Variants in PPT1 observed in about 807,000 individuals in gnomAD.
The protein encoded by PPT1 is palmitoyl-protein thioesterase 1.
PPT1 carries 24 observed loss-of-function variants against 44.0 expected under a neutral mutation model. That is an observed-to-expected ratio of 0.54 (90% CI 0.39 to 0.77). The LOEUF (loss-of-function observed/expected upper bound fraction) is 0.77, where lower values mean the gene tolerates loss of function less well. Among genes scored for constraint, PPT1 ranks in the 30% least tolerant of loss-of-function variants. The pLI is 0.00. For missense variants in PPT1, 341 were observed against 378.8 expected (o/e 0.90, Z 0.83); for synonymous variants, 148 against 140.2 (o/e 1.06, Z -0.39).
chr1:40,093,834 A>C (rs1445469538), intron 1 of PPT1: 1 of 509,854 alleles, frequency 2.0e-6, no homozygotes, highest in Non-Finnish European at 3.6e-6. Flanking sequence ...CAGTGAGCCA[A>C]GATCATGCCA....
downstream of PPT1, chr1:40,072,589 A>AAT (rs1207271655): frequency 6.5e-6 from 1 of 153,240 alleles, no homozygotes; most frequent in Non-Finnish European, 1.5e-5. Context: ...GGCCTGTGGA[A>AAT]ATAAACCTTT....
chr1:40,094,109 C>A, intron 1 of PPT1: 1 of 600,150 alleles, frequency 1.7e-6, no homozygotes, highest in Non-Finnish European at 3.1e-6. Flanking sequence ...ATTCCCTTCC[C>A]CTATCACAGG....
chr1:40,076,869 G>C lies in PPT1; in HGVS notation c.771C>G (p.Pro257=), dbSNP rs1321890707. The C allele has an allele frequency of 1.2e-6, 2 of 1,614,094 alleles. No homozygotes were observed. Among genetic ancestry groups the C allele is most frequent in the Non-Finnish European group, 1.7e-6 (2 of 1,180,026 alleles). Residue 257 remains proline (P), a synonymous_variant, in exon 8 of 9, where the codon CCC becomes CCG. Coordinates refer to ENST00000642050, the MANE Select transcript of PPT1 (RefSeq NM_000310.4). ...GTGTGTACAGGGAGGTCTCCTGTAA[G>C]GGAATGGTTTCCTTGGCTTGGCCAC... ...YRSGQAKETI[P]LQETSLYTQD...
At chr1:40,097,020 A>T (rs1649892986) in intron 1 of PPT1, 95 bp downstream of exon 1, 2 of 1,607,102 alleles carry the variant, frequency 1.2e-6, no homozygotes, top group East Asian at 4.5e-5. Flanking sequence ...CTGTGGGACC[A>T]CGTCCTCGCC....
At chr1:40,094,139 A>G in intron 1 of PPT1, 1 of 560,930 alleles carries the variant, frequency 1.8e-6, no homozygotes. Flanking sequence ...GGGTGAACAG[A>G]TGCAAAGTTT....
downstream of PPT1, chr1:40,072,249 A>C: frequency 3.5e-6 from 1 of 287,004 alleles, no homozygotes; most frequent in Non-Finnish European, 5.7e-6. Flanking sequence ...ATGACTTTAA[A>C]AGGAAAAAAA....
rs573913513 is a variant in PPT1, at chr1:40,096,938, G to C, written c.124+177C>G. On this transcript the variant is annotated intron_variant, in intron 1 of 8. Coordinates refer to ENST00000642050, the MANE Select transcript of PPT1 (RefSeq NM_000310.4). Reference sequence around the variant, plus strand: ...TTCCCCTTCTCTCTTTCCAGTGAAGGGGACGGCTCCTTCCCCTTCTCTCTT... The same window carrying C: ...TTCCCCTTCTCTCTTTCCAGTGAAGCGGACGGCTCCTTCCCCTTCTCTCTT... The C allele has an allele frequency of 8.9e-6, 10 of 1,127,530 alleles. No individual in the cohort carries two copies. The African/African-American group carries it at 1.4e-4, about 16-fold the overall frequency. 69.8% of individuals were successfully genotyped at this position (1,127,530 alleles called of 1,614,324 possible). A position where few individuals can be genotyped will look rare whatever the true frequency, so the allele number is the denominator to read the frequency against.
At chr1:40,077,006 C>G in intron 7 of PPT1, 93 bp from the exon 8 acceptor site, 1 of 1,412,356 alleles carries the variant, frequency 7.1e-7, no homozygotes, top group South Asian at 1.2e-5. Context: ...AAACTGCCAA[C>G]AAAGTGAACA....
At chr1:40,093,651 C>T (rs1040931558) in intron 1 of PPT1, among the ~76,000 whole-genome samples, 3 of 152,006 alleles carry the variant, frequency 2.0e-5, no homozygotes, top group Non-Finnish European at 4.4e-5. Context: ...GTTTGGGAGG[C>T]CGAGGTGGGT....
At position 40,073,929 on chromosome 1, in the gene PPT1, G is replaced by C; in HGVS notation, c.*132C>G. ...TTCAGATCTTAGATCTTTCCAAGTAGGGCATGTTAGATGATAGAAGGATTA... is the reference window on the plus strand; with the variant it reads ...TTCAGATCTTAGATCTTTCCAAGTACGGCATGTTAGATGATAGAAGGATTA... On this transcript the variant is annotated 3_prime_UTR_variant, in exon 9 of 9. Transcript: ENST00000642050. The C allele has an allele frequency of 8.4e-7, 1 of 1,196,340 alleles. No homozygotes were observed. Among genetic ancestry groups the C allele is most frequent in the African/African-American group, 1.5e-5 (1 of 66,466 alleles). The allele number at this position is 1,196,340 out of a possible 1,614,324, so 74.1% of individuals were successfully genotyped here. A position where few individuals can be genotyped will look rare whatever the true frequency, so the allele number is the denominator to read the frequency against.
chr1:40,094,269 G>A, intron 1 of PPT1, among the ~76,000 whole-genome samples: 1 of 152,276 alleles, frequency 6.6e-6, no homozygotes, highest in African/African-American at 2.4e-5. Flanking sequence ...TTCCACCTCA[G>A]ATCATCAGGC....
chr1:40,081,361 C>A (rs948625198), intron 5 of PPT1, among the ~76,000 whole-genome samples: 1 of 151,974 alleles, frequency 6.6e-6, no homozygotes, highest in Non-Finnish European at 1.5e-5. Context: ...CATGAGGAAA[C>A]CCCGTCTCTA....
In PPT1 at chr1:40,089,408, A is replaced by G. The variant is rs386833652; in HGVS notation, c.536+2T>C. The G allele has an allele frequency of 6.2e-7, 1 of 1,612,026 alleles. No homozygotes were observed. Among genetic ancestry groups the G allele is most frequent in the South Asian group, 1.1e-5 (1 of 91,048 alleles). On this transcript the variant is annotated splice_donor_variant, in intron 5 of 8. Coordinates refer to ENST00000642050, the MANE Select transcript of PPT1 (RefSeq NM_000310.4). LOFTEE classifies it high-confidence loss of function. Reference sequence around the variant, plus strand: ...GTAATCTTTTCAGCTAACCATACATACCGTTCCTGAACAACTTTGGAGTAC... The same window carrying G: ...GTAATCTTTTCAGCTAACCATACATGCCGTTCCTGAACAACTTTGGAGTAC...
intron 1 of PPT1, among the ~76,000 whole-genome samples, chr1:40,096,377 T>A (rs531730819): frequency 4.6e-5 from 7 of 152,316 alleles, no homozygotes; most frequent in Non-Finnish European, 8.8e-5. Context: ...CAGCACCTAG[T>A]AGGTGCTCAA....
At chr1:40,071,615 C>G, downstream of PPT1, 1 of 921,146 alleles carries the variant, frequency 1.1e-6, no homozygotes, top group Non-Finnish European at 1.7e-6. Flanking sequence ...TAGATTTCCT[C>G]TACCTTTTTG....
chr1:40,074,421 G>GCCC (rs1648484616), intron 8 of PPT1, among the ~76,000 whole-genome samples: 1 of 84,166 alleles, frequency 1.2e-5, no homozygotes, highest in African/African-American at 5.9e-5. Flanking sequence ...CCCTCCTCCT[G>GCCC]TCCCCCCCGC....
intron 1 of PPT1, chr1:40,096,810 T>C (rs758194313): frequency 1.3e-4 from 56 of 435,316 alleles, no homozygotes; most frequent in Non-Finnish European, 2.4e-4. Context: ...GCAGCTCACC[T>C]AGCCTGACCA....
intron 7 of PPT1, among the ~76,000 whole-genome samples, chr1:40,078,261 G>A (rs1288751235): frequency 6.6e-6 from 1 of 152,144 alleles, no homozygotes; most frequent in Non-Finnish European, 1.5e-5. Context: ...GCAGTGGCAC[G>A]ATCTTGGCTC....
intron 6 of PPT1, chr1:40,078,894 A>G (rs1648778197): frequency 6.1e-6 from 3 of 488,762 alleles, no homozygotes. Flanking sequence ...TAGTTTTGTT[A>G]TAAGGGTATA....
Sources: allele counts gnomAD v4.1 joint callset (sites outside exome capture counted in the v4.1 genomes callset), GRCh38; gene constraint gnomAD v4.1.1; transcripts MANE v1.5; gene names NCBI Gene and HGNC (gene_info 2026-07-23, HGNC 2026-07-21).